GSG1L: variants seen among roughly 807,000 people sequenced by gnomAD.
GSG1L encodes the protein GSG1 like.
GSG1L carries 24 observed loss-of-function variants against 42.1 expected under a neutral mutation model. The observed-to-expected ratio is 0.57, with a 90% CI of 0.41 to 0.80. The LOEUF is 0.80. GSG1L is among the 30% of genes least tolerant of loss of function. The probability of loss-of-function intolerance (pLI) is 0.00; values close to 1 mark genes in which losing one functional copy is unlikely to be tolerated. For missense variants in GSG1L, 445 were observed against 472.2 expected, an observed-to-expected ratio of 0.94 and a Z score of 0.53; for synonymous variants, 215 against 203.5, an observed-to-expected ratio of 1.06 and a Z score of -0.48.
intron 1 of GSG1L, among the ~76,000 whole-genome samples, chr16:28,044,452 A>G (rs909868223): frequency 1.2e-4 from 19 of 152,222 alleles, no homozygotes; most frequent in African/African-American, 4.6e-4. Context: ...AAAAAGCTGC[A>G]CATACATGTT....
chr16:27,992,661 G>A (rs1397062404), intron 1 of GSG1L, among the ~76,000 whole-genome samples: 1 of 152,136 alleles, frequency 6.6e-6, no homozygotes, highest in African/African-American at 2.4e-5. Flanking sequence ...CAGCCTTTGG[G>A]GATAGGTTTG....
intron 1 of GSG1L, among the ~76,000 whole-genome samples, chr16:27,999,229 G>C (rs1010055244): frequency 6.6e-6 from 1 of 152,154 alleles, no homozygotes; most frequent in Non-Finnish European, 1.5e-5. Flanking sequence ...GATCACTTGA[G>C]GGCAGGAGTT....
intron 5 of GSG1L, among the ~76,000 whole-genome samples, chr16:27,826,794 G>T (rs563600889): frequency 1.3e-5 from 2 of 152,330 alleles, no homozygotes; most frequent in South Asian, 4.1e-4. Context: ...TGGGGTCAAA[G>T]AGGGTCCTCA....
chr16:27,961,709 T>C (rs1453910330), intron 2 of GSG1L, among the ~76,000 whole-genome samples: 1 of 152,204 alleles, frequency 6.6e-6, no homozygotes, highest in African/African-American at 2.4e-5. Flanking sequence ...ATTTGGAAGC[T>C]GTGGCTTGAG....
At chr16:27,936,688 C>T (rs573775111) in intron 2 of GSG1L, among the ~76,000 whole-genome samples, 32 of 152,288 alleles carry the variant, frequency 2.1e-4, no homozygotes, top group Admixed American at 1.2e-3. Flanking sequence ...CAAATCAGAG[C>T]CTGGATTTGA....
At chr16:28,027,835 A>C (rs957924304) in intron 1 of GSG1L, among the ~76,000 whole-genome samples, 22 of 152,288 alleles carry the variant, frequency 1.4e-4, no homozygotes, top group African/African-American at 4.6e-4. Context: ...AGCCTGAGCA[A>C]CATAATGAGA....
chr16:27,851,791 G>A (rs577210815), intron 3 of GSG1L, among the ~76,000 whole-genome samples: 417 of 152,338 alleles, frequency 2.7e-3, no homozygotes, highest in Non-Finnish European at 3.2e-3. Flanking sequence ...GGCCTCTTGA[G>A]TCCAGAGGAC....
chr16:27,996,724 C>T (rs991018975), intron 1 of GSG1L, among the ~76,000 whole-genome samples: 4 of 152,196 alleles, frequency 2.6e-5, no homozygotes, highest in Admixed American at 6.5e-5. Flanking sequence ...TTAACACAAA[C>T]AAAACATAAT....
At chr16:27,951,295 C>T (rs1436060884) in intron 2 of GSG1L, among the ~76,000 whole-genome samples, 1 of 152,182 alleles carries the variant, frequency 6.6e-6, no homozygotes, top group Non-Finnish European at 1.5e-5. Flanking sequence ...GGTCGCAGGG[C>T]TGGGAGTATT....
chr16:28,005,036 GA>G (rs1002264361), intron 1 of GSG1L, among the ~76,000 whole-genome samples: 6 of 152,186 alleles, frequency 3.9e-5, no homozygotes, highest in African/African-American at 1.4e-4. Flanking sequence ...TCACAGCTCT[GA>G]AGGCTGGAGG....
At chr16:28,039,709 C>T (rs1157826954) in intron 1 of GSG1L, among the ~76,000 whole-genome samples, 1 of 151,852 alleles carries the variant, frequency 6.6e-6, no homozygotes, top group African/African-American at 2.4e-5. Flanking sequence ...CATGCCTGTG[C>T]ACACACATGC....
At chr16:28,055,922 G>A (rs1567572358) in intron 1 of GSG1L, among the ~76,000 whole-genome samples, 2 of 59,106 alleles carry the variant, frequency 3.4e-5, no homozygotes, top group South Asian at 1.1e-3. Flanking sequence ...ATTTAAACAC[G>A]GGGGAGTGAC....
rs1567542974 is a variant in GSG1L at position 27,979,730 on chromosome 16, A to AAGGAAG, written c.350-16528_350-16527insCTTCCT. ...AGGAAGGAAGGAAGGAAGGAAGGAAAGAAAAAGAAAGAAAGAAAGGAAAGA... is the reference window on the plus strand; with the variant it reads ...AGGAAGGAAGGAAGGAAGGAAGGAAAAGGAAGGAAAAAGAAAGAAAGAAAGGAAAGA... On this transcript the variant is annotated intron_variant, in intron 1 of 6. Coordinates refer to ENST00000447459, the MANE Select transcript of GSG1L (RefSeq NM_001109763.2). Among the ~76,000 whole-genome samples the AAGGAAG allele has an allele frequency of 2.4e-3, 147 of 62,288 alleles. 6 individuals carry two copies. Among genetic ancestry groups the AAGGAAG allele is most frequent in the African/African-American group, 8.2e-3 (141 of 17,222 alleles). The allele number at this position is 62,288 out of a possible 152,430, so 40.9% of individuals were successfully genotyped here.
intron 1 of GSG1L, among the ~76,000 whole-genome samples, chr16:28,053,996 T>C (rs1162757408): frequency 6.6e-6 from 1 of 152,064 alleles, no homozygotes; most frequent in Admixed American, 6.5e-5. Context: ...CCTTCTGTGG[T>C]CCCCTCGGTC....
intron 3 of GSG1L, among the ~76,000 whole-genome samples, chr16:27,846,688 C>T (rs1477254956): frequency 6.6e-6 from 1 of 152,144 alleles, no homozygotes; most frequent in African/African-American, 2.4e-5. Flanking sequence ...GGCACGGTGG[C>T]TCATGCCTGT....
chr16:27,865,871 A>T (rs1408925692), intron 3 of GSG1L, among the ~76,000 whole-genome samples: 1 of 151,018 alleles, frequency 6.6e-6, no homozygotes, highest in African/African-American at 2.4e-5. Flanking sequence ...CTAATTTTTT[A>T]TTTTATTTTT....
chr16:28,018,896 G>A (rs184385270), intron 1 of GSG1L, among the ~76,000 whole-genome samples: 2 of 152,302 alleles, frequency 1.3e-5, no homozygotes, highest in African/African-American at 2.4e-5. Flanking sequence ...CCTGCACAGA[G>A]TGAAACACTT....
intron 1 of GSG1L, among the ~76,000 whole-genome samples, chr16:27,997,309 CTTTTT>C (rs34188570): frequency 1.4e-5 from 1 of 70,594 alleles, no homozygotes; most frequent in Non-Finnish European, 2.9e-5. Flanking sequence ...GTGTTCTCCA[CTTTTT>C]TTTTTTTTTT....
intron 1 of GSG1L, among the ~76,000 whole-genome samples, chr16:27,966,156 T>C (rs1596659578): frequency 6.6e-6 from 1 of 152,332 alleles, no homozygotes; most frequent in Non-Finnish European, 1.5e-5. Context: ...TTTTCTCAAA[T>C]GTTATCTTCC....
Sources: gnomAD v4.1 joint callset for allele counts (sites outside exome capture counted in the v4.1 genomes callset) on GRCh38, gnomAD v4.1.1 for gene constraint, MANE v1.5 for transcripts, NCBI Gene and HGNC (gene_info 2026-07-23, HGNC 2026-07-21) for gene names.